The following SF3A1 variants were observed in gnomAD, a reference collection of about 807,000 sequenced individuals.
The protein encoded by SF3A1 is splicing factor 3a subunit 1.
SF3A1 carries 13 observed loss-of-function variants against 89.9 expected under a neutral mutation model. That is an observed-to-expected ratio of 0.14 (90% confidence interval 0.09 to 0.23). The LOEUF is 0.23. Among genes scored for constraint, SF3A1 ranks in the 10% least tolerant of loss-of-function variants. SF3A1 has a pLI of 1.00. For synonymous variants in SF3A1, 405 were observed against 374.4 expected, an observed-to-expected ratio of 1.08 and a Z score of -0.94; for missense variants, 604 against 1,022.1, an observed-to-expected ratio of 0.59 and a Z score of 5.58.
intron 1 of SF3A1, 62 bp downstream of exon 1, chr22:30,356,668 T>G: frequency 1.6e-6 from 2 of 1,279,736 alleles, no homozygotes; most frequent in Non-Finnish European, 2.1e-6. Context: ...CTTATTCCTG[T>G]GCGAGTAAGG....
rs1290610868 is a variant in SF3A1, at chr22:30,332,620, C to T, written c.*1974G>A. ...ATTATAAACACTAGGACGCTACCTA[C>T]ATGCTGCAGGTCCTAAACTAGTGCA... On this transcript the variant is annotated 3_prime_UTR_variant, in exon 16 of 16. Transcript: ENST00000215793. 1 of 152,252 alleles carries T rather than the reference C, an allele frequency of 6.6e-6. No individual in the cohort carries two copies. Among genetic ancestry groups the T allele is most frequent in the South Asian group, 2.1e-4 (1 of 4,830 alleles). The allele number at this position is 152,252 out of a possible 1,614,324, so 9.4% of individuals were successfully genotyped here.
chr22:30,356,493 A>G (rs577410179), intron 1 of SF3A1: 3 of 396,464 alleles, frequency 7.6e-6, no homozygotes, highest in Non-Finnish European at 1.3e-5. Flanking sequence ...GAGACTCCAC[A>G]TTTCTAAGAA....
Position 30,338,751 on chromosome 22 carries a change from C to T in SF3A1, c.1743+38G>A, listed in dbSNP as rs1232376235. The T allele has an allele frequency of 1.9e-6, 3 of 1,612,526 alleles. No individual in the cohort carries two copies. The Admixed American group carries it at 5.0e-5, about 27-fold the overall frequency. Reference sequence around the variant, plus strand: ...ACAGTGTCCGACCTCAAGAATGAAGCTCTAAAAAAGTCAGTTCCAGGGTAG... The same window carrying T: ...ACAGTGTCCGACCTCAAGAATGAAGTTCTAAAAAAGTCAGTTCCAGGGTAG... On this transcript the variant is annotated intron_variant, in intron 11 of 15. Coordinates refer to ENST00000215793, the MANE Select transcript of SF3A1 (RefSeq NM_005877.6).
chr22:30,342,773 T>G, intron 5 of SF3A1, 32 bp downstream of exon 5: 1 of 1,383,534 alleles, frequency 7.2e-7, no homozygotes, highest in Middle Eastern at 1.8e-4. Context: ...CAACCACCAG[T>G]AACTGGTTGC....
Position 30,341,559 on chromosome 22 carries a change from T to C in SF3A1, c.1071+133A>G. 6.6e-6 allele frequency: 3 copies of C among 454,810 alleles called. 1 individual carries two copies. The highest frequency in any genetic ancestry group is 4.6e-5 in the South Asian group (2 of 43,910). 28.2% of individuals were successfully genotyped at this position (454,810 alleles called of 1,614,324 possible). On this transcript the variant is annotated intron_variant, in intron 7 of 15. Transcript: ENST00000215793. ...TCTGTGCTGCCTGGACTTGGGCAGC[T>C]GTATGGCCTTGTTCAGGACCCACGC... is the stretch of plus-strand genomic sequence containing the variant.
At position 30,339,080 on chromosome 22, in the gene SF3A1, G is replaced by C. The variant is rs746064169; in HGVS notation, c.1498-46C>G. 3.7e-6 allele frequency: 6 copies of C among 1,613,832 alleles called. No homozygotes were observed. The African/African-American group carries it at 4.0e-5, about 11-fold the overall frequency. On this transcript the variant is annotated intron_variant, in intron 10 of 15. Transcript: ENST00000215793. ...ACAATGCTTCTGGAACTAAGACCAA[G>C]TATGGAAGACGGGGGGCAGAGAAGG...
At chr22:30,338,575 T>C (rs533233314) in intron 11 of SF3A1, among the ~76,000 whole-genome samples, 33 of 152,030 alleles carry the variant, frequency 2.2e-4, no homozygotes, top group Middle Eastern at 3.4e-3. Context: ...TGGTTTCTCA[T>C]ATTTGCCACT....
intron 4 of SF3A1, among the ~76,000 whole-genome samples, chr22:30,343,747 T>C (rs1931335776): frequency 6.6e-6 from 1 of 152,228 alleles, no homozygotes. Flanking sequence ...CATTTAAAAT[T>C]GATATTGCAT....
Position 30,335,488 on chromosome 22 carries a change from C to T in SF3A1, c.2259G>A (p.Gly753=). The T allele has an allele frequency of 1.2e-6, 2 of 1,614,194 alleles. No homozygotes were observed. Among genetic ancestry groups the T allele is most frequent in the South Asian group, 2.2e-5 (2 of 91,084 alleles). The part of the protein sequence containing the change: ...KIHEATGMPA[G]KQKLQYEGIF... ...TCACCTCATACTGTAGCTTCTGTTT[C>T]CCTGCAGGCATGCCTGTGGCTTCAT... The change falls in exon 15 of 16, where the codon GGG becomes GGA. Residue 753 remains glycine, a synonymous_variant. Coordinates refer to ENST00000215793, the MANE Select transcript of SF3A1 (RefSeq NM_005877.6).
In SF3A1 at chr22:30,356,738, G is replaced by T; in HGVS notation, c.55C>A (p.Pro19Thr). The T allele has an allele frequency of 2.0e-6, 3 of 1,494,546 alleles. No individual in the cohort carries two copies. The highest frequency in any genetic ancestry group is 1.8e-6 in the Non-Finnish European group (2 of 1,118,300). 92.6% of individuals were successfully genotyped at this position (1,494,546 alleles called of 1,614,324 possible). A position where few individuals can be genotyped will look rare whatever the true frequency, so the allele number is the denominator to read the frequency against. Residue 19 changes from proline to threonine, a missense_variant, in exon 1 of 16, where the codon CCC (proline) becomes ACC (threonine). By Grantham distance (38) the Pro-to-Thr change is conservative (BLOSUM62 -1). Coordinates refer to ENST00000215793, the MANE Select transcript of SF3A1 (RefSeq NM_005877.6). ...VPPPPPVPTEPKQPTEEEASS... is the reference protein window; with the variant it reads ...VPPPPPVPTETKQPTEEEASS... ...GGGCGGGGGAGAGGTACCTGTTTGGGCTCCGTGGGCACGGGCGGCGGCGGG... is the reference window on the plus strand; with the variant it reads ...GGGCGGGGGAGAGGTACCTGTTTGGTCTCCGTGGGCACGGGCGGCGGCGGG...
In SF3A1 at chr22:30,351,279, C is replaced by T. The variant is rs553675997; in HGVS notation, c.185+1672G>A. ...GCACCACTGCACTCCAGCCTGGCAA[C>T]AGAGTGAGACTCCATGTCATTTAAA... On this transcript the variant is annotated intron_variant, in intron 2 of 15. Coordinates refer to ENST00000215793, the MANE Select transcript of SF3A1 (RefSeq NM_005877.6). 2.7e-3 allele frequency among the ~76,000 whole-genome samples: 411 copies of T among 150,070 alleles called. 2 individuals carry two copies. The highest frequency in any genetic ancestry group is 3.4e-3 in the Non-Finnish European group (229 of 67,716).
Position 30,356,809 on chromosome 22 carries a change from G to T in SF3A1, c.-17C>A, listed in dbSNP as rs1484888513. The T allele has an allele frequency of 4.4e-6, 6 of 1,353,608 alleles. No homozygotes were observed. Among genetic ancestry groups the T allele is most frequent in the Middle Eastern group, 2.1e-4 (1 of 4,724 alleles). The allele number at this position is 1,353,608 out of a possible 1,614,324, so 83.8% of individuals were successfully genotyped here. ...GGCCGGCATGACTGCGACGCTCAGGGCTGCCAGTCCGCCTCGGTGTCGGTG... is the reference window on the plus strand; with the variant it reads ...GGCCGGCATGACTGCGACGCTCAGGTCTGCCAGTCCGCCTCGGTGTCGGTG... On this transcript the variant is annotated 5_prime_UTR_variant, in exon 1 of 16. Coordinates refer to ENST00000215793, the MANE Select transcript of SF3A1 (RefSeq NM_005877.6).
chr22:30,346,066 G>C (rs920803419), intron 3 of SF3A1, among the ~76,000 whole-genome samples: 4 of 152,198 alleles, frequency 2.6e-5, no homozygotes, highest in African/African-American at 9.7e-5. Context: ...TACAGCCTCT[G>C]TGAGGAGTCA....
At chr22:30,350,176 G>A (rs1931542767) in intron 2 of SF3A1, among the ~76,000 whole-genome samples, 1 of 151,926 alleles carries the variant, frequency 6.6e-6, no homozygotes, top group Non-Finnish European at 1.5e-5. Context: ...TTGGGAACAG[G>A]CCAGGTGCGG....
intron 11 of SF3A1, among the ~76,000 whole-genome samples, chr22:30,338,326 C>T (rs1427957440): frequency 2.0e-5 from 3 of 152,008 alleles, no homozygotes; most frequent in South Asian, 2.1e-4. Flanking sequence ...GGCATGGTGG[C>T]GCATCCCTGT....
chr22:30,338,160 A>G (rs1431111867), intron 11 of SF3A1, among the ~76,000 whole-genome samples: 1 of 152,090 alleles, frequency 6.6e-6, no homozygotes, highest in Admixed American at 6.5e-5. Flanking sequence ...AAGAGTCACT[A>G]AAGAGGCTGA....
At chr22:30,341,322 G>C (rs1438000255) in intron 7 of SF3A1, among the ~76,000 whole-genome samples, 2 of 152,184 alleles carry the variant, frequency 1.3e-5, no homozygotes, top group African/African-American at 4.8e-5. Flanking sequence ...TGCCTGAAAG[G>C]AAGCGTGGGC....
intron 1 of SF3A1, among the ~76,000 whole-genome samples, chr22:30,353,670 T>C (rs950583988): frequency 3.9e-5 from 6 of 152,206 alleles, no homozygotes; most frequent in African/African-American, 1.4e-4. Flanking sequence ...CTCTTTCACA[T>C]AGACCTTTAG....
chr22:30,334,473 G>T lies in SF3A1; in HGVS notation c.*121C>A. 1 of 634,274 alleles carries T rather than the reference G, an allele frequency of 1.6e-6. No homozygotes were observed. 39.3% of individuals were successfully genotyped at this position (634,274 alleles called of 1,614,324 possible). A position where few individuals can be genotyped will look rare whatever the true frequency, so the allele number is the denominator to read the frequency against. On this transcript the variant is annotated 3_prime_UTR_variant, in exon 16 of 16. Transcript: ENST00000215793. The stretch of plus-strand genomic sequence containing the variant: ...GCAGGACAATTTGAATTCCCAAACT[G>T]AGTAAGAGCGAAACAAATATGCAGG...
Sources: gnomAD v4.1 joint callset for allele counts (sites outside exome capture counted in the v4.1 genomes callset) on GRCh38, gnomAD v4.1.1 for gene constraint, MANE v1.5 for transcripts, NCBI Gene and HGNC (gene_info 2026-07-23, HGNC 2026-07-21) for gene names.